DSCAML1: variants seen among roughly 807,000 people sequenced by gnomAD.
The protein encoded by DSCAML1 is cell adhesion molecule DSCAML1.
A neutral mutation model predicts 200.5 loss-of-function variants in DSCAML1; 38 were observed. The observed-to-expected ratio is 0.19, with a 90% CI of 0.15 to 0.25. The LOEUF is 0.25. Among genes scored for constraint, DSCAML1 ranks in the 10% least tolerant of loss-of-function variants. The pLI, the probability that DSCAML1 is intolerant of heterozygous loss-of-function variation, is 1.00. For synonymous variants in DSCAML1, 1,215 were observed against 1,165.0 expected (o/e 1.04, Z -0.87); for missense variants, 2,223 against 2,858.8 (o/e 0.78, Z 5.07).
In DSCAML1 at chr11:117,518,848, G is replaced by A. The variant is rs1592691294; in HGVS notation, c.1214-86C>T. 5 of 1,421,026 alleles carry A rather than the reference G, an allele frequency of 3.5e-6. No homozygotes were observed. The East Asian group carries it at 9.7e-5, about 28-fold the overall frequency. The allele number at this position is 1,421,026 out of a possible 1,614,324, so 88.0% of individuals were successfully genotyped here. A position where few individuals can be genotyped will look rare whatever the true frequency, so the allele number is the denominator to read the frequency against. ...CCACCCCACCTCAGCAGGGGAGGAG[G>A]CAAAAAGCAGCCATAAGAGCAAACA... On this transcript the variant is annotated intron_variant, in intron 6 of 32. Transcript: ENST00000651296. The surrounding 1 kb of genome is among the most constrained non-coding windows in gnomAD (Gnocchi z 6.3).
At chr11:117,712,085 G>A (rs556930771) in intron 3 of DSCAML1, among the ~76,000 whole-genome samples, 4 of 152,234 alleles carry the variant, frequency 2.6e-5, no homozygotes, top group South Asian at 4.2e-4. Context: ...ATATAATGCC[G>A]TACATTTTTA....
Position 117,437,342 on chromosome 11 carries a change from C to A in DSCAML1, c.4500G>T (p.Leu1500=), listed in dbSNP as rs1565676705. The change falls in exon 26 of 33, where the codon CTG becomes CTT. Residue 1500 remains leucine (L), a synonymous_variant. Coordinates refer to ENST00000651296, the MANE Select transcript of DSCAML1 (RefSeq NM_020693.4). This position sits in a 1 kb window ranked among gnomAD's most constrained non-coding sequence, Gnocchi z 5.3. ...GGCAGCCCCCATTGTTCCAGCCCTGCAGGTTAAGCCGAGCATGCGTGGAGT... is the reference window on the plus strand; with the variant it reads ...GGCAGCCCCCATTGTTCCAGCCCTGAAGGTTAAGCCGAGCATGCGTGGAGT... ...HINSTHARLN[L]QGWNNGGCPI... The A allele has an allele frequency of 6.2e-7, 1 of 1,614,242 alleles. No homozygotes were observed. The highest frequency in any genetic ancestry group is 8.5e-7 in the Non-Finnish European group (1 of 1,180,040).
intron 2 of DSCAML1, among the ~76,000 whole-genome samples, chr11:117,778,257 C>A (rs2055168130): frequency 1.3e-5 from 2 of 152,160 alleles, no homozygotes; most frequent in Admixed American, 1.3e-4. Flanking sequence ...GTGGTCCAGC[C>A]CTTCCAAAGG....
chr11:117,527,066 G>A (rs1431446686), intron 4 of DSCAML1, among the ~76,000 whole-genome samples: 3 of 152,180 alleles, frequency 2.0e-5, no homozygotes, highest in African/African-American at 7.2e-5. Context: ...AGGAGGCTGA[G>A]GTGGGAGGAT....
At chr11:117,605,019 G>A (rs2051536994) in intron 3 of DSCAML1, among the ~76,000 whole-genome samples, 1 of 152,108 alleles carries the variant, frequency 6.6e-6, no homozygotes, top group Non-Finnish European at 1.5e-5. Flanking sequence ...AGAATAATAT[G>A]GTTCTTTTTT....
At chr11:117,803,426 T>C (rs1212051186) in intron 1 of DSCAML1, among the ~76,000 whole-genome samples, 4 of 152,222 alleles carry the variant, frequency 2.6e-5, no homozygotes, top group Non-Finnish European at 4.4e-5. Context: ...TCTGTCTGGA[T>C]TTCATGATGG....
At chr11:117,697,419 C>T (rs545340291) in intron 3 of DSCAML1, among the ~76,000 whole-genome samples, 126 of 149,914 alleles carry the variant, frequency 8.4e-4, no homozygotes, top group Non-Finnish European at 1.6e-3. Flanking sequence ...TTTTTTTCCA[C>T]ATTTTTTTTA....
intron 3 of DSCAML1, among the ~76,000 whole-genome samples, chr11:117,572,049 G>A (rs2050855950): frequency 6.6e-6 from 1 of 152,214 alleles, no homozygotes; most frequent in African/African-American, 2.4e-5. Context: ...AAATCATCAA[G>A]AAATAACCAG....
intron 11 of DSCAML1, among the ~76,000 whole-genome samples, chr11:117,486,152 C>T (rs1031079539): frequency 8.5e-5 from 13 of 152,222 alleles, no homozygotes; most frequent in African/African-American, 2.9e-4. Context: ...TCTTTTCCAT[C>T]CTCGCCAGCG....
intron 3 of DSCAML1, among the ~76,000 whole-genome samples, chr11:117,698,643 G>T (rs2053621201): frequency 6.6e-6 from 1 of 152,108 alleles, no homozygotes; most frequent in Non-Finnish European, 1.5e-5. Flanking sequence ...ATCTCATCGT[G>T]ATTTTAATTT....
chr11:117,565,725 C>T (rs1046524633), intron 3 of DSCAML1, among the ~76,000 whole-genome samples: 4 of 152,184 alleles, frequency 2.6e-5, no homozygotes, highest in Admixed American at 2.6e-4. Flanking sequence ...CCCTCTCCCT[C>T]AGCACTCAGC....
intron 3 of DSCAML1, among the ~76,000 whole-genome samples, chr11:117,636,881 C>A (rs769222041): frequency 2.4e-4 from 36 of 152,076 alleles, no homozygotes; most frequent in Non-Finnish European, 4.3e-4. Context: ...TAAATGGGAG[C>A]TATTATTGTT....
intron 3 of DSCAML1, among the ~76,000 whole-genome samples, chr11:117,691,195 G>A (rs1486187916): frequency 6.6e-6 from 1 of 152,192 alleles, no homozygotes; most frequent in Non-Finnish European, 1.5e-5. Flanking sequence ...TGTTACGTGA[G>A]GAAGCAGGTG....
At chr11:117,563,765 A>G (rs959906143) in intron 3 of DSCAML1, among the ~76,000 whole-genome samples, 2 of 152,164 alleles carry the variant, frequency 1.3e-5, no homozygotes, top group Non-Finnish European at 2.9e-5. Context: ...TCTCTATGGG[A>G]CGAGCCGTGT....
chr11:117,562,402 T>A (rs2050679665), intron 3 of DSCAML1, among the ~76,000 whole-genome samples: 1 of 152,256 alleles, frequency 6.6e-6, no homozygotes, highest in South Asian at 2.1e-4. Flanking sequence ...GTGCCACGTC[T>A]TCTGTGTGCC....
intron 3 of DSCAML1, among the ~76,000 whole-genome samples, chr11:117,727,080 G>T (rs2054144889): frequency 6.6e-6 from 1 of 152,014 alleles, no homozygotes; most frequent in South Asian, 2.1e-4. Flanking sequence ...TTTAATTCTA[G>T]CAAAACTTTA....
intron 3 of DSCAML1, among the ~76,000 whole-genome samples, chr11:117,615,651 TTGTAGAAGGAAG>T (rs1410812622): frequency 6.6e-6 from 1 of 151,774 alleles, no homozygotes; most frequent in Non-Finnish European, 1.5e-5. Flanking sequence ...TTGTACCAGA[TTGTAGAAGGAAG>T]TGTGTCTGGA....
chr11:117,458,681 C>T (rs990735089), intron 19 of DSCAML1, 73 bp downstream of exon 19: 2 of 1,564,144 alleles, frequency 1.3e-6, no homozygotes, highest in Non-Finnish European at 1.7e-6. Context: ...TCTCACCCTG[C>T]CTCCTGGGGT....
chr11:117,480,902 G>A lies in DSCAML1; in HGVS notation c.2656+272C>T, dbSNP rs920545079. On this transcript the variant is annotated intron_variant, in intron 13 of 32. Transcript: ENST00000651296. This position sits in a 1 kb window ranked among gnomAD's most constrained non-coding sequence, Gnocchi z 4.1. The stretch of plus-strand genomic sequence containing the variant: ...ACCTGCTGCAGGGGCCTGGACCCAG[G>A]AACCTGACTCCCCCACCCCTCCCCA... 7.2e-5 allele frequency among the ~76,000 whole-genome samples: 11 copies of A among 152,182 alleles called. No individual in the cohort carries two copies. Among genetic ancestry groups the A allele is most frequent in the African/African-American group, 2.7e-4 (11 of 41,432 alleles).
Sources: allele counts gnomAD v4.1 joint callset (sites outside exome capture counted in the v4.1 genomes callset), GRCh38; gene constraint gnomAD v4.1.1; non-coding constraint Gnocchi (gnomAD v3.1); transcripts MANE v1.5; gene names NCBI Gene and HGNC (gene_info 2026-07-23, HGNC 2026-07-21).